The following PRR3 variants were observed in gnomAD, a reference collection of about 807,000 sequenced individuals.
The protein encoded by PRR3 is proline rich 3.
A neutral mutation model predicts 22.4 loss-of-function variants in PRR3; 16 were observed. The ratio of observed to expected loss-of-function variants is 0.71; its 90% CI spans 0.48 to 1.09. PRR3 has a LOEUF of 1.09. PRR3 is among the 50% of genes least tolerant of loss of function. The pLI is 0.00. For missense variants in PRR3, 224 were observed against 243.4 expected, an observed-to-expected ratio of 0.92 and a Z score of 0.53; for synonymous variants, 87 against 88.6, an observed-to-expected ratio of 0.98 and a Z score of 0.10.
rs756557699 is a variant in PRR3 at position 30,562,420 on chromosome 6, T to G, written c.492T>G (p.Phe164Leu). 2.0e-5 allele frequency: 32 copies of G among 1,614,104 alleles called. No individual in the cohort carries two copies. The highest frequency in any genetic ancestry group is 2.6e-5 in the Non-Finnish European group (31 of 1,180,022). The stretch of plus-strand genomic sequence containing the variant: ...CCGACCGCCCTGTCTGCCGACATTT[T>G]GCCAAAAAGGGCCACTGTCGATATG... ...DKSDRPVCRH[F>L]AKKGHCRYED... The change falls in exon 4 of 4, where the codon TTT (phenylalanine) becomes TTG (leucine). Residue 164 changes from phenylalanine to leucine, a missense_variant. Physicochemically the swap from Phe to Leu is conservative, Grantham distance 22. Transcript: ENST00000376560.
upstream of PRR3, chr6:30,556,743 C>G: frequency 2.5e-6 from 1 of 399,180 alleles, no homozygotes; most frequent in African/African-American, 2.1e-5. This position sits in a 1 kb window ranked among gnomAD's most constrained non-coding sequence, Gnocchi z 5.7. Context: ...CTGGACTACA[C>G]CGGGGGCACG....
chr6:30,557,477 A>G, intron 1 of PRR3, 27 bp downstream of exon 1: 1 of 1,531,472 alleles, frequency 6.5e-7, no homozygotes, highest in Non-Finnish European at 9.0e-7. Context: ...GGATGTGCAC[A>G]TGCCTGTCAA....
rs374813433 is a variant in PRR3 at position 30,562,369 on chromosome 6, C to G, written c.461-20C>G. The G allele has an allele frequency of 1.3e-6, 2 of 1,581,970 alleles. No homozygotes were observed. Reference sequence around the variant, plus strand: ...TTTGTTGCTCAAATTTTTAACTGTTCCATTTTCACTTGTTCACAGACAAAT... The same window carrying G: ...TTTGTTGCTCAAATTTTTAACTGTTGCATTTTCACTTGTTCACAGACAAAT... On this transcript the variant is annotated intron_variant, in intron 3 of 3. Transcript: ENST00000376560.
Position 30,562,817 on chromosome 6 carries a change from G to A in PRR3, c.*322G>A. 4.1e-6 allele frequency: 1 copy of A among 245,258 alleles called. No individual in the cohort carries two copies. The highest frequency in any genetic ancestry group is 5.3e-5 in the Admixed American group (1 of 18,712). 15.2% of individuals were successfully genotyped at this position (245,258 alleles called of 1,614,324 possible). On this transcript the variant is annotated 3_prime_UTR_variant, in exon 4 of 4. Transcript: ENST00000376560. ...AAACCTCTTTGGTGCTGTTTCTTGTGCATCTGTCCACCTGTTCCCCAGTAT... is the reference window on the plus strand; with the variant it reads ...AAACCTCTTTGGTGCTGTTTCTTGTACATCTGTCCACCTGTTCCCCAGTAT...
intron 2 of PRR3, chr6:30,560,248 C>T (rs992529360): frequency 6.6e-6 from 1 of 152,268 alleles, no homozygotes; most frequent in African/African-American, 2.4e-5. Context: ...ACCTGTAATC[C>T]CAGCTACTCG....
chr6:30,558,320 C>A, intron 2 of PRR3, 108 bp downstream of exon 2: 1 of 857,306 alleles, frequency 1.2e-6, no homozygotes, highest in East Asian at 2.5e-5. Context: ...GATTCCATCC[C>A]TAAATGAATG....
In PRR3 at chr6:30,563,693, T is replaced by A. The variant is rs1337878089; in HGVS notation, c.*1198T>A. On this transcript the variant is annotated 3_prime_UTR_variant, in exon 4 of 4. Coordinates refer to ENST00000376560, the MANE Select transcript of PRR3 (RefSeq NM_025263.4). ...TTTTTAACTTTTTTTATATTAGTAA[T>A]AAATGCAGTGGAAACCAGCATTTTA... The A allele has an allele frequency of 2.0e-5, 3 of 151,134 alleles. No individual in the cohort carries two copies. The highest frequency in any genetic ancestry group is 2.9e-5 in the Non-Finnish European group (2 of 67,836). 9.4% of individuals were successfully genotyped at this position (151,134 alleles called of 1,614,324 possible). A position where few individuals can be genotyped will look rare whatever the true frequency, so the allele number is the denominator to read the frequency against.
At position 30,557,309 on chromosome 6, in the gene PRR3, C is replaced by A; in HGVS notation, c.-36C>A. The A allele has an allele frequency of 6.4e-7, 1 of 1,552,602 alleles. No homozygotes were observed. The highest frequency in any genetic ancestry group is 2.3e-5 in the East Asian group (1 of 44,082). ...TCCCCGCGTGCCCCTTCCTCACTACCCTCCAAATCCCGCTGCAGCCATTGC... is the reference window on the plus strand; with the variant it reads ...TCCCCGCGTGCCCCTTCCTCACTACACTCCAAATCCCGCTGCAGCCATTGC... On this transcript the variant is annotated 5_prime_UTR_variant, in exon 1 of 4. Coordinates refer to ENST00000376560, the MANE Select transcript of PRR3 (RefSeq NM_025263.4).
In PRR3 at chr6:30,561,228, T is replaced by A. The variant is rs1160168765; in HGVS notation, c.170-606T>A. 5 of 377,780 alleles carry A rather than the reference T, an allele frequency of 1.3e-5. No individual in the cohort carries two copies. Among genetic ancestry groups the A allele is most frequent in the Non-Finnish European group, 1.6e-5 (3 of 193,318 alleles). The allele number at this position is 377,780 out of a possible 1,614,324, so 23.4% of individuals were successfully genotyped here. On this transcript the variant is annotated intron_variant, in intron 2 of 3. Transcript: ENST00000376560. This position sits in a 1 kb window ranked among gnomAD's most constrained non-coding sequence, Gnocchi z 4.0. ...AAACTTGAGCATAACATATACTTTA[T>A]AAGCCAGTAATACCTCTACTACGTA...
At chr6:30,557,073 C>T (rs538530749), upstream of PRR3, 40 of 702,110 alleles carry the variant, frequency 5.7e-5, 1 homozygote, top group South Asian at 5.9e-4. Flanking sequence ...TGGTGTTTTC[C>T]AGCGAGGGAA....
rs1208535642 is a variant in PRR3, at chr6:30,558,215, G to T, written c.169+3G>T. The stretch of plus-strand genomic sequence containing the variant: ...AAAACCTGGCGACCCTAAGTCAGGT[G>T]AGGAGGAAGGGGCCCTGATCCTTGT... On this transcript the variant is annotated splice_donor_region_variant and intron_variant, in intron 2 of 3. Coordinates refer to ENST00000376560, the MANE Select transcript of PRR3 (RefSeq NM_025263.4). 1.9e-6 allele frequency: 3 copies of T among 1,612,366 alleles called. No homozygotes were observed. The highest frequency in any genetic ancestry group is 2.5e-6 in the Non-Finnish European group (3 of 1,179,548).
At position 30,562,286 on chromosome 6, in the gene PRR3, G is replaced by A. The variant is rs138234634; in HGVS notation, c.461-103G>A. The stretch of plus-strand genomic sequence containing the variant: ...CTACCATTCCAAAATACCTGGAAAT[G>A]GTAGGGGGTAGAAAATCAGTTCTCC... On this transcript the variant is annotated intron_variant, in intron 3 of 3. Coordinates refer to ENST00000376560, the MANE Select transcript of PRR3 (RefSeq NM_025263.4). The A allele has an allele frequency of 9.3e-3, 10,722 of 1,152,696 alleles. 69 individuals carry two copies. The highest frequency in any genetic ancestry group is 0.012 in the Non-Finnish European group (9,229 of 790,482). 71.4% of individuals were successfully genotyped at this position (1,152,696 alleles called of 1,614,324 possible).
intron 2 of PRR3, chr6:30,559,934 C>T (rs548149472): frequency 3.9e-5 from 6 of 152,138 alleles, no homozygotes; most frequent in African/African-American, 1.4e-4. Context: ...ATAAATGTGG[C>T]GTGTACATAC....
In PRR3 at chr6:30,562,671, G is replaced by A; in HGVS notation, c.*176G>A. On this transcript the variant is annotated 3_prime_UTR_variant, in exon 4 of 4. Transcript: ENST00000376560. The stretch of plus-strand genomic sequence containing the variant: ...TCCAGAGTGGTGTTGCATCACTGGT[G>A]CGCGGCATACGCGCTTTCTTCTGAT... 2 of 551,386 alleles carry A rather than the reference G, an allele frequency of 3.6e-6. No individual in the cohort carries two copies. Among genetic ancestry groups the A allele is most frequent in the South Asian group, 5.0e-5 (2 of 39,682 alleles). 34.2% of individuals were successfully genotyped at this position (551,386 alleles called of 1,614,324 possible).
chr6:30,562,831 G>A lies in PRR3; in HGVS notation c.*336G>A, dbSNP rs1373470744. On this transcript the variant is annotated 3_prime_UTR_variant, in exon 4 of 4. Coordinates refer to ENST00000376560, the MANE Select transcript of PRR3 (RefSeq NM_025263.4). ...CTGTTTCTTGTGCATCTGTCCACCT[G>A]TTCCCCAGTATTGCCCTCAATTCCT... 4.5e-6 allele frequency: 1 copy of A among 221,060 alleles called. No homozygotes were observed. The highest frequency in any genetic ancestry group is 8.9e-6 in the Non-Finnish European group (1 of 112,982). The allele number at this position is 221,060 out of a possible 1,614,324, so 13.7% of individuals were successfully genotyped here. A position where few individuals can be genotyped will look rare whatever the true frequency, so the allele number is the denominator to read the frequency against.
chr6:30,556,909 T>TG, upstream of PRR3: 1 of 605,512 alleles, frequency 1.7e-6, no homozygotes, highest in Non-Finnish European at 2.9e-6. This position sits in a 1 kb window ranked among gnomAD's most constrained non-coding sequence, Gnocchi z 5.7. Flanking sequence ...CAAGGACTTT[T>TG]GGGGGGAGGT....
rs752311286 is a variant in PRR3 at position 30,558,178 on chromosome 6, C to A, written c.135C>A (p.Pro45=). 1 of 1,613,056 alleles carries A rather than the reference C, an allele frequency of 6.2e-7. No homozygotes were observed. The highest frequency in any genetic ancestry group is 1.7e-5 in the Admixed American group (1 of 60,032). ...CACCCAGCCTTCTGGGCCCTCCCCC[C>A]ATGGCCAATGGAAAACCTGGCGACC... The part of the protein sequence containing the change: ...IGPPSLLGPP[P]MANGKPGDPK... The change falls in exon 2 of 4, where the codon CCC becomes CCA. Residue 45 remains proline (P), a synonymous_variant. Coordinates refer to ENST00000376560, the MANE Select transcript of PRR3 (RefSeq NM_025263.4).
chr6:30,558,000 T>G (rs1227268017), intron 1 of PRR3, 150 bp from the exon 2 acceptor site: 1 of 643,032 alleles, frequency 1.6e-6, no homozygotes, highest in East Asian at 2.7e-5. Context: ...AAAGGGCAGA[T>G]AGATGGGGTG....
At chr6:30,556,786 A>C (rs1800243195), upstream of PRR3, 1 of 457,332 alleles carries the variant, frequency 2.2e-6, no homozygotes, top group South Asian at 2.2e-5. This position sits in a 1 kb window ranked among gnomAD's most constrained non-coding sequence, Gnocchi z 5.7. Flanking sequence ...CGGCGGTCTG[A>C]GAGTCCTGGG....
Sources: gnomAD v4.1 joint callset for allele counts on GRCh38, gnomAD v4.1.1 for gene constraint, Gnocchi (gnomAD v3.1) non-coding constraint, MANE v1.5 for transcripts, NCBI Gene and HGNC (gene_info 2026-07-23, HGNC 2026-07-21) for gene names.